Variants in IP6K1 observed in about 807,000 individuals in gnomAD.
IP6K1 encodes inositol hexakisphosphate kinase 1.
Under a neutral mutation model 38.3 loss-of-function variants are expected in IP6K1, and 13 were observed. That is an observed-to-expected ratio of 0.34 (90% CI 0.22 to 0.54). The LOEUF (loss-of-function observed/expected upper bound fraction) is 0.54. Ranked by LOEUF, IP6K1 falls within the 20% of genes least tolerant of loss-of-function variation. The pLI is 0.92. For synonymous variants in IP6K1, 212 were observed against 229.9 expected, an observed-to-expected ratio of 0.92 and a Z score of 0.70; for missense variants, 397 against 599.8, an observed-to-expected ratio of 0.66 and a Z score of 3.53.
intron 1 of IP6K1, among the ~76,000 whole-genome samples, chr3:49,780,116 A>G (rs2081051903): frequency 6.6e-6 from 1 of 152,088 alleles, no homozygotes; most frequent in Admixed American, 6.6e-5. Context: ...GACAGGAATA[A>G]ATAAGCTAAA....
chr3:49,784,497 T>C (rs2081093875), intron 1 of IP6K1, among the ~76,000 whole-genome samples: 1 of 151,592 alleles, frequency 6.6e-6, no homozygotes, highest in African/African-American at 2.4e-5. Context: ...ATACAGAAAT[T>C]AGCCGGGCAT....
At chr3:49,770,836 A>C (rs191923444) in intron 1 of IP6K1, among the ~76,000 whole-genome samples, 171 of 152,258 alleles carry the variant, frequency 1.1e-3, no homozygotes, top group Admixed American at 3.7e-3. Flanking sequence ...TATGAGATGG[A>C]GTCTTGATCA....
intron 4 of IP6K1, among the ~76,000 whole-genome samples, chr3:49,731,761 G>C (rs1025791978): frequency 1.3e-5 from 2 of 151,826 alleles, no homozygotes; most frequent in Non-Finnish European, 2.9e-5. Context: ...GGTGGCGCAC[G>C]CCTGTAATCC....
At chr3:49,740,013 AAAAAT>A (rs2080651691) in intron 2 of IP6K1, among the ~76,000 whole-genome samples, 1 of 152,050 alleles carries the variant, frequency 6.6e-6, no homozygotes, top group Non-Finnish European at 1.5e-5. Flanking sequence ...AAAATAAAAT[AAAAAT>A]AAAATAAAAT....
intron 3 of IP6K1, 59 bp from the exon 4 acceptor site, chr3:49,733,031 C>G (rs1197767792): frequency 7.4e-7 from 1 of 1,345,156 alleles, no homozygotes; most frequent in Non-Finnish European, 1.1e-6. Context: ...CTCTGGGGTC[C>G]CGCTGCACAG....
chr3:49,747,201 A>G (rs900903402), intron 2 of IP6K1, among the ~76,000 whole-genome samples: 3 of 152,128 alleles, frequency 2.0e-5, no homozygotes, highest in Non-Finnish European at 2.9e-5. Context: ...GTAAAAAAAA[A>G]ACTTAGACAC....
Position 49,748,045 on chromosome 3 carries a change from T to C in IP6K1, c.-5A>G. On this transcript the variant is annotated 5_prime_UTR_variant, in exon 2 of 6. Coordinates refer to ENST00000321599, the MANE Select transcript of IP6K1 (RefSeq NM_153273.4). The stretch of plus-strand genomic sequence containing the variant: ...CATGGTTTGACAAACACACATTGCG[T>C]TGGGGGCCAGTTGCACACTGAGGGC... 6.2e-7 allele frequency: 1 copy of C among 1,612,620 alleles called. No individual in the cohort carries two copies. Among genetic ancestry groups the C allele is most frequent in the Non-Finnish European group, 8.5e-7 (1 of 1,179,976 alleles).
intron 1 of IP6K1, chr3:49,775,511 C>T: frequency 1.1e-6 from 1 of 900,952 alleles, no homozygotes; most frequent in Non-Finnish European, 1.7e-6. Context: ...AGTGCACCAT[C>T]TAGGAGAAGG....
intron 2 of IP6K1, among the ~76,000 whole-genome samples, chr3:49,743,108 A>G (rs1414515288): frequency 6.6e-6 from 1 of 151,770 alleles, no homozygotes; most frequent in Non-Finnish European, 1.5e-5. Flanking sequence ...GGCACCTGTA[A>G]GTCCCAGCTA....
intron 2 of IP6K1, among the ~76,000 whole-genome samples, chr3:49,747,370 G>T (rs1198867701): frequency 1.3e-5 from 2 of 151,902 alleles, no homozygotes; most frequent in African/African-American, 4.8e-5. Context: ...GGACTTCCAG[G>T]CCCCAGAAAG....
At chr3:49,782,470 G>A (rs1163738442) in intron 1 of IP6K1, among the ~76,000 whole-genome samples, 1 of 151,922 alleles carries the variant, frequency 6.6e-6, no homozygotes, top group Non-Finnish European at 1.5e-5. Flanking sequence ...CGCCCGGCCT[G>A]GAGGGTCTAC....
intron 1 of IP6K1, among the ~76,000 whole-genome samples, chr3:49,755,781 T>C (rs1487970693): frequency 2.0e-5 from 3 of 152,194 alleles, no homozygotes; most frequent in Admixed American, 6.6e-5. Flanking sequence ...AAAAACACTA[T>C]AGCAGAAAAC....
At chr3:49,728,842 T>C (rs919311460) in intron 4 of IP6K1, among the ~76,000 whole-genome samples, 1 of 152,186 alleles carries the variant, frequency 6.6e-6, no homozygotes, top group African/African-American at 2.4e-5. Flanking sequence ...CCCAAAGTGC[T>C]GGGATTACAG....
Position 49,727,974 on chromosome 3 carries a change from C to T in IP6K1, c.792+129G>A, listed in dbSNP as rs2080524002. 8 of 887,686 alleles carry T rather than the reference C, an allele frequency of 9.0e-6. No homozygotes were observed. Among genetic ancestry groups the T allele is most frequent in the Admixed American group, 2.2e-5 (1 of 45,000 alleles). The allele number at this position is 887,686 out of a possible 1,614,324, so 55.0% of individuals were successfully genotyped here. ...TCACAGTGGTCCTGCACCTGAGGCC[C>T]ATATCAAAGTCAACAGGTAAGGACA... is the stretch of plus-strand genomic sequence containing the variant. On this transcript the variant is annotated intron_variant, in intron 5 of 5. Transcript: ENST00000321599. The surrounding 1 kb of genome is among the most constrained non-coding windows in gnomAD (Gnocchi z 5.9).
Position 49,726,671 on chromosome 3 carries a change from C to A in IP6K1, c.*451G>T. On this transcript the variant is annotated 3_prime_UTR_variant, in exon 6 of 6. Transcript: ENST00000321599. The stretch of plus-strand genomic sequence containing the variant: ...CACCCACAGCATAAGACTGGAAAGC[C>A]CCCAAGAAATGGGCACCCAGAGCCC... 1 of 194,100 alleles carries A rather than the reference C, an allele frequency of 5.2e-6. No homozygotes were observed. 12.0% of individuals were successfully genotyped at this position (194,100 alleles called of 1,614,324 possible). A position where few individuals can be genotyped will look rare whatever the true frequency, so the allele number is the denominator to read the frequency against.
chr3:49,772,172 C>A (rs1346654503), intron 1 of IP6K1, among the ~76,000 whole-genome samples: 1 of 149,530 alleles, frequency 6.7e-6, no homozygotes, highest in Non-Finnish European at 1.5e-5. Context: ...ATAATTGCAC[C>A]ACTGTACTCC....
intron 1 of IP6K1, among the ~76,000 whole-genome samples, chr3:49,749,644 C>G (rs1055073814): frequency 6.6e-6 from 1 of 152,018 alleles, no homozygotes; most frequent in Non-Finnish European, 1.5e-5. Context: ...GCACTCCAGC[C>G]TGGGTGACAG....
At chr3:49,747,708 A>AG in intron 2 of IP6K1, 110 bp downstream of exon 2, 3 of 1,427,796 alleles carry the variant, frequency 2.1e-6, no homozygotes, top group Non-Finnish European at 2.8e-6. Flanking sequence ...TCGTGCTTTG[A>AG]GAAAAAAGAC....
chr3:49,755,147 G>C (rs1390662734), intron 1 of IP6K1, among the ~76,000 whole-genome samples: 1 of 138,316 alleles, frequency 7.2e-6, no homozygotes. Flanking sequence ...ATGTTGCCCA[G>C]GCTGGTCTCG....
Sources: allele counts gnomAD v4.1 joint callset (sites outside exome capture counted in the v4.1 genomes callset), GRCh38; gene constraint gnomAD v4.1.1; non-coding constraint Gnocchi (gnomAD v3.1); transcripts MANE v1.5; gene names NCBI Gene and HGNC (gene_info 2026-07-23, HGNC 2026-07-21).